Variants in PLG observed in about 807,000 individuals in gnomAD.
PLG encodes plasmin.
A neutral mutation model predicts 104.4 loss-of-function variants in PLG; 41 were observed. The ratio of observed to expected loss-of-function variants is 0.39; its 90% CI spans 0.31 to 0.51. The LOEUF (loss-of-function observed/expected upper bound fraction) is 0.51, where lower values mean the gene tolerates loss of function less well. PLG is among the 20% of genes least tolerant of loss of function. The pLI, the probability that PLG is intolerant of heterozygous loss-of-function variation, is 0.76. For synonymous variants in PLG, 337 were observed against 357.1 expected (o/e 0.94, Z 0.63); for missense variants, 891 against 1,003.6 (o/e 0.89, Z 1.52).
intron 9 of PLG, among the ~76,000 whole-genome samples, chr6:160,721,195 C>T (rs1460233171): frequency 1.3e-5 from 2 of 152,200 alleles, no homozygotes; most frequent in African/African-American, 2.4e-5. Flanking sequence ...TTCCAGATGG[C>T]GTCTTCTCTA....
chr6:160,719,962 A>G lies in PLG; in HGVS notation c.1096+1124A>G, dbSNP rs2115164776. Among the ~76,000 whole-genome samples, 1 of 152,246 alleles carries G rather than the reference A, an allele frequency of 6.6e-6. No homozygotes were observed. The highest frequency in any genetic ancestry group is 2.1e-4 in the South Asian group (1 of 4,826). On this transcript the variant is annotated intron_variant, in intron 9 of 18. Transcript: ENST00000308192. The surrounding 1 kb of genome is among the most constrained non-coding windows in gnomAD (Gnocchi z 4.1). ...TATTTTACCATTTCTGGTGCTTCTC[A>G]TCTACTGGGGTAGATCTCAATTTCC...
chr6:160,748,347 A>T, intron 17 of PLG, among the ~76,000 whole-genome samples: 1 of 116,532 alleles, frequency 8.6e-6, no homozygotes, highest in Admixed American at 1.0e-4. Context: ...GGAAGAAAAG[A>T]AAGAGAAAGA....
chr6:160,722,753 G>A (rs1455940306), intron 10 of PLG, among the ~76,000 whole-genome samples, 186 bp downstream of exon 10: 1 of 152,136 alleles, frequency 6.6e-6, no homozygotes, highest in African/African-American at 2.4e-5. Context: ...ATTTTAGGCT[G>A]GCTATTTTTC....
intron 7 of PLG, 64 bp from the exon 8 acceptor site, chr6:160,718,230 G>C: frequency 4.2e-6 from 6 of 1,431,412 alleles, no homozygotes; most frequent in Non-Finnish European, 5.9e-6. Flanking sequence ...CAGCCTGGGC[G>C]ACAGAGCGAG....
Position 160,741,917 on chromosome 6 carries a change from G to A in PLG, c.2125+500G>A, listed in dbSNP as rs572913620. Among the ~76,000 whole-genome samples, 42 of 152,176 alleles carry A rather than the reference G, an allele frequency of 2.8e-4. No homozygotes were observed. In the South Asian group the frequency reaches 7.7e-3, roughly 28 times the overall value. On this transcript the variant is annotated intron_variant, in intron 17 of 18. Coordinates refer to ENST00000308192, the MANE Select transcript of PLG (RefSeq NM_000301.5). This position sits in a 1 kb window ranked among gnomAD's most constrained non-coding sequence, Gnocchi z 4.7. ...TATAACTGTGAACATGTGGTATTTG[G>A]TTTTCTGTTCCTGTGTTAGTTTTCT...
intron 3 of PLG, among the ~76,000 whole-genome samples, chr6:160,708,894 T>C (rs1378060805): frequency 6.6e-6 from 1 of 152,104 alleles, no homozygotes; most frequent in Non-Finnish European, 1.5e-5. Context: ...CTAAACTTTA[T>C]CTGGTGAAGT....
rs1224076727 is a variant in PLG at position 160,706,452 on chromosome 6, CA to C, written c.96del (p.Leu33CysfsTer14). The C allele has an allele frequency of 6.2e-7, 1 of 1,613,642 alleles. No individual in the cohort carries two copies. Among genetic ancestry groups the C allele is most frequent in the Non-Finnish European group, 8.5e-7 (1 of 1,179,750 alleles). ...LDDYVNTQGA[S>X]LFSVTKKQLG... ...GACTATGTGAATACCCAGGGGGCTT[CA>C]CTGTTCAGTGTCACTAAGAAGCAGC... On this transcript the variant is annotated frameshift_variant, in exon 2 of 19. Transcript: ENST00000308192. LOFTEE classifies it high-confidence loss of function.
chr6:160,742,742 G>A (rs6921472), intron 17 of PLG, among the ~76,000 whole-genome samples: 2,669 of 152,162 alleles, frequency 0.018, 84 homozygotes, highest in African/African-American at 0.06. Flanking sequence ...CCAGGATGGT[G>A]TTACCTAGGT....
chr6:160,714,783 A>C lies in PLG; in HGVS notation c.548-11A>C. Reference sequence around the variant, plus strand: ...TTCTTCCTCTCTGTCCTTCCTTCCCACTCTGTCCAGAGGAATGTATGCATT... The same window carrying C: ...TTCTTCCTCTCTGTCCTTCCTTCCCCCTCTGTCCAGAGGAATGTATGCATT... On this transcript the variant is annotated splice_polypyrimidine_tract_variant and intron_variant, in intron 5 of 18. Transcript: ENST00000308192. The C allele has an allele frequency of 6.2e-7, 1 of 1,613,160 alleles. No homozygotes were observed. The highest frequency in any genetic ancestry group is 8.5e-7 in the Non-Finnish European group (1 of 1,179,458).
chr6:160,731,644 CT>C lies in PLG; in HGVS notation c.1439-100del, dbSNP rs1778001073. On this transcript the variant is annotated intron_variant, in intron 11 of 18. Coordinates refer to ENST00000308192, the MANE Select transcript of PLG (RefSeq NM_000301.5). The surrounding 1 kb of genome is among the most constrained non-coding windows in gnomAD (Gnocchi z 5.1). ...TTGCAGTTTCTGAGGAATGTGGCCC[CT>C]GATTCTGTCATCCTAGAGAAACCTG... The C allele has an allele frequency of 8.5e-7, 1 of 1,172,524 alleles. No individual in the cohort carries two copies. The highest frequency in any genetic ancestry group is 1.3e-6 in the Non-Finnish European group (1 of 781,314). 72.6% of individuals were successfully genotyped at this position (1,172,524 alleles called of 1,614,324 possible).
chr6:160,714,852 T>C lies in PLG; in HGVS notation c.606T>C (p.Ser202=). Residue 202 remains serine, a synonymous_variant, in exon 6 of 19, where the codon TCT becomes TCC. Transcript: ENST00000308192. Reference sequence around the variant, plus strand: ...ACGGCAAAATTTCCAAGACCATGTCTGGACTGGAATGCCAGGCCTGGGACT... The same window carrying C: ...ACGGCAAAATTTCCAAGACCATGTCCGGACTGGAATGCCAGGCCTGGGACT... The part of the protein sequence containing the change: ...NYDGKISKTM[S]GLECQAWDSQ... 6.2e-7 allele frequency: 1 copy of C among 1,613,598 alleles called. No individual in the cohort carries two copies. The highest frequency in any genetic ancestry group is 8.5e-7 in the Non-Finnish European group (1 of 1,179,522).
chr6:160,740,735 T>G lies in PLG; in HGVS notation c.2019-576T>G, dbSNP rs1434065642. 6.6e-6 allele frequency among the ~76,000 whole-genome samples: 1 copy of G among 152,252 alleles called. No individual in the cohort carries two copies. The highest frequency in any genetic ancestry group is 1.5e-5 in the Non-Finnish European group (1 of 68,052). ...CCTGGGACTCTAAAGTATATGAATGTTCTTTGAAAACAAATACCATTTTGT... is the reference window on the plus strand; with the variant it reads ...CCTGGGACTCTAAAGTATATGAATGGTCTTTGAAAACAAATACCATTTTGT... On this transcript the variant is annotated intron_variant, in intron 16 of 18. Transcript: ENST00000308192. The surrounding 1 kb of genome is among the most constrained non-coding windows in gnomAD (Gnocchi z 5.2).
At chr6:160,711,627 C>A in intron 4 of PLG, 5 of 1,610,340 alleles carry the variant, frequency 3.1e-6, no homozygotes, top group Non-Finnish European at 3.4e-6. Flanking sequence ...ATTTTTGGCA[C>A]CATAGTAGAA....
Position 160,752,041 on chromosome 6 carries a change from C to A in PLG, c.2126-74C>A. The A allele has an allele frequency of 7.4e-7, 1 of 1,345,694 alleles. No individual in the cohort carries two copies. Among genetic ancestry groups the A allele is most frequent in the Non-Finnish European group, 1.1e-6 (1 of 940,868 alleles). 83.4% of individuals were successfully genotyped at this position (1,345,694 alleles called of 1,614,324 possible). A position where few individuals can be genotyped will look rare whatever the true frequency, so the allele number is the denominator to read the frequency against. ...CTCACAGACAGGAGGTCCAGTGCCG[C>A]TGCTCTGTTCTGGAATATCCTCCTG... On this transcript the variant is annotated intron_variant, in intron 17 of 18. Coordinates refer to ENST00000308192, the MANE Select transcript of PLG (RefSeq NM_000301.5). The surrounding 1 kb of genome is among the most constrained non-coding windows in gnomAD (Gnocchi z 4.7).
In PLG at chr6:160,734,946, C is replaced by T. The variant is rs1327822030; in HGVS notation, c.1681+858C>T. Among the ~76,000 whole-genome samples the T allele has an allele frequency of 2.6e-5, 4 of 152,026 alleles. No individual in the cohort carries two copies. Among genetic ancestry groups the T allele is most frequent in the African/African-American group, 9.7e-5 (4 of 41,370 alleles). ...CTTGGCCTCCAAGTCCACTGAAGAC[C>T]AGCATCCTGAGATTGCCTGGGAAGG... is the stretch of plus-strand genomic sequence containing the variant. On this transcript the variant is annotated intron_variant, in intron 13 of 18. Coordinates refer to ENST00000308192, the MANE Select transcript of PLG (RefSeq NM_000301.5). This position sits in a 1 kb window ranked among gnomAD's most constrained non-coding sequence, Gnocchi z 4.4.
chr6:160,745,306 A>G (rs1358350129), intron 17 of PLG, among the ~76,000 whole-genome samples: 1 of 152,182 alleles, frequency 6.6e-6, no homozygotes, highest in Non-Finnish European at 1.5e-5. Context: ...GTAGGTCTCT[A>G]AGAACTTTAT....
chr6:160,731,417 G>A lies in PLG; in HGVS notation c.1438+185G>A, dbSNP rs783145. Among the ~76,000 whole-genome samples the A allele has an allele frequency of 0.65, 98,433 of 152,100 alleles. 33,240 individuals are homozygous for A. Among genetic ancestry groups the A allele is most frequent in the East Asian group, 0.98 (5,078 of 5,178 alleles). ...GCAGAGGTGTGACTTTTGGCACAACGTGAGTGGGCTGTGCCTTTAGGACAG... is the reference window on the plus strand; with the variant it reads ...GCAGAGGTGTGACTTTTGGCACAACATGAGTGGGCTGTGCCTTTAGGACAG... On this transcript the variant is annotated intron_variant, in intron 11 of 18. Coordinates refer to ENST00000308192, the MANE Select transcript of PLG (RefSeq NM_000301.5). The surrounding 1 kb of genome is among the most constrained non-coding windows in gnomAD (Gnocchi z 5.1).
chr6:160,707,554 C>G (rs1777552343), intron 2 of PLG, 146 bp from the exon 3 acceptor site: 2 of 839,950 alleles, frequency 2.4e-6, no homozygotes, highest in South Asian at 2.8e-5. Flanking sequence ...CGATGCCATG[C>G]CCAAATAACT....
rs367707054 is a variant in PLG at position 160,731,774 on chromosome 6, C to A, written c.1468C>A (p.Arg490=). 32 of 1,613,722 alleles carry A rather than the reference C, an allele frequency of 2.0e-5. No individual in the cohort carries two copies. The African/African-American group carries it at 4.1e-4, about 21-fold the overall frequency. ...TATGTTTGGGAATGGGAAAGGATAC[C>A]GAGGCAAGAGGGCGACCACTGTTAC... ...DCMFGNGKGY[R]GKRATTVTGT... is the part of the protein sequence containing the mutation. The change falls in exon 12 of 19, where the codon CGA becomes AGA. Residue 490 remains arginine (R), a synonymous_variant. Transcript: ENST00000308192. This position sits in a 1 kb window ranked among gnomAD's most constrained non-coding sequence, Gnocchi z 5.1.
Sources: gnomAD v4.1 joint callset for allele counts (sites outside exome capture counted in the v4.1 genomes callset) on GRCh38, gnomAD v4.1.1 for gene constraint, Gnocchi (gnomAD v3.1) non-coding constraint, MANE v1.5 for transcripts, NCBI Gene and HGNC (gene_info 2026-07-23, HGNC 2026-07-21) for gene names.